The following EDIL3 variants were observed in gnomAD, a reference collection of about 807,000 sequenced individuals.
EDIL3 encodes EGF-like repeat and discoidin I-like domain-containing protein 3.
A neutral mutation model predicts 67.4 loss-of-function variants in EDIL3; 37 were observed. That is an observed-to-expected ratio of 0.55 (90% confidence interval 0.42 to 0.72). The LOEUF is 0.72. Ranked by LOEUF, EDIL3 falls within the 30% of genes least tolerant of loss-of-function variation. EDIL3 has a pLI of 0.00. For missense variants in EDIL3, 527 were observed against 586.3 expected (o/e 0.90, Z 1.04); for synonymous variants, 195 against 196.3 (o/e 0.99, Z 0.05).
chr5:84,064,591 GA>G (rs1746600411), intron 8 of EDIL3, 108 bp downstream of exon 8: 6 of 1,393,990 alleles, frequency 4.3e-6, no homozygotes, highest in Non-Finnish European at 5.7e-6. Flanking sequence ...TTTTTCCCCA[GA>G]AAAAAATTTC....
chr5:84,060,446 G>C lies in EDIL3; in HGVS notation c.991C>G (p.Gln331Glu), dbSNP rs142557706. 2.5e-6 allele frequency: 4 copies of C among 1,613,566 alleles called. No individual in the cohort carries two copies. Among genetic ancestry groups the C allele is most frequent in the East Asian group, 2.2e-5 (1 of 44,872 alleles). ...CTGGAGGCAGTGATCTGATAGTCTTGTATATGTCCTGATTTCATACCCAGA... is the reference window on the plus strand; with the variant it reads ...CTGGAGGCAGTGATCTGATAGTCTTCTATATGTCCTGATTTCATACCCAGA... ...EPLGMKSGHI[Q>E]DYQITASSIF... Residue 331 changes from glutamine to glutamate, a missense_variant, in exon 9 of 11, where the codon CAA (glutamine) becomes GAA (glutamate). Physicochemically the swap from Gln to Glu is conservative, Grantham distance 29. Transcript: ENST00000296591.
chr5:84,153,476 A>G (rs1235026734), intron 4 of EDIL3, among the ~76,000 whole-genome samples: 9 of 149,658 alleles, frequency 6.0e-5, no homozygotes, highest in Non-Finnish European at 1.0e-4. Flanking sequence ...TGTATTTTTA[A>G]TAGAGACGGG....
intron 5 of EDIL3, among the ~76,000 whole-genome samples, chr5:84,134,078 A>G (rs1283036153): frequency 1.3e-5 from 2 of 152,046 alleles, no homozygotes; most frequent in Non-Finnish European, 2.9e-5. Context: ...TTACCATGTA[A>G]TTTTGCAACA....
intron 1 of EDIL3, among the ~76,000 whole-genome samples, chr5:84,284,173 C>T (rs1580054404): frequency 6.6e-6 from 1 of 152,076 alleles, no homozygotes; most frequent in East Asian, 1.9e-4. Flanking sequence ...CATTCATTAG[C>T]CATTTGGGTT....
chr5:84,186,633 GA>G (rs1743458740), intron 3 of EDIL3, among the ~76,000 whole-genome samples: 1 of 151,936 alleles, frequency 6.6e-6, no homozygotes, highest in African/African-American at 2.4e-5. Context: ...ATTAAAACAT[GA>G]AAATTAAGAA....
rs17284992 is a variant in EDIL3 at position 84,374,531 on chromosome 5, T to C, written c.67+9777A>G. 5.4e-3 allele frequency among the ~76,000 whole-genome samples: 826 copies of C among 152,290 alleles called. 8 individuals are homozygous for C. Among genetic ancestry groups the C allele is most frequent in the African/African-American group, 0.018 (742 of 41,570 alleles). ...ATAAATATAATAATGCATGTGGAGGTAAATTTCAACAGTTAAACAATTTAC... is the reference window on the plus strand; with the variant it reads ...ATAAATATAATAATGCATGTGGAGGCAAATTTCAACAGTTAAACAATTTAC... On this transcript the variant is annotated intron_variant, in intron 1 of 10. Coordinates refer to ENST00000296591, the MANE Select transcript of EDIL3 (RefSeq NM_005711.5).
intron 1 of EDIL3, among the ~76,000 whole-genome samples, chr5:84,315,125 T>C (rs1314359474): frequency 6.6e-6 from 1 of 152,172 alleles, no homozygotes; most frequent in Non-Finnish European, 1.5e-5. Context: ...AGGCATGTAA[T>C]ACCCATGATC....
At chr5:84,290,248 A>C (rs1745885757) in intron 1 of EDIL3, among the ~76,000 whole-genome samples, 1 of 152,160 alleles carries the variant, frequency 6.6e-6, no homozygotes, top group Non-Finnish European at 1.5e-5. Flanking sequence ...ACAATGTGGA[A>C]GAGCCATGCT....
Position 84,123,710 on chromosome 5 carries a change from T to TA in EDIL3, c.469+13530dup, listed in dbSNP as rs376343650. Among the ~76,000 whole-genome samples, 372 of 151,934 alleles carry TA rather than the reference T, an allele frequency of 2.4e-3. 3 individuals carry two copies. The highest frequency in any genetic ancestry group is 8.4e-3 in the African/African-American group (349 of 41,518). ...GTACTTTATTGTTAAGGTAGAATAC[T>TA]AAAAAAACATCATTTCAATGAGTAA... is the stretch of plus-strand genomic sequence containing the variant. On this transcript the variant is annotated intron_variant, in intron 5 of 10. Transcript: ENST00000296591.
At chr5:84,107,839 A>G (rs967735459) in intron 5 of EDIL3, among the ~76,000 whole-genome samples, 1 of 150,696 alleles carries the variant, frequency 6.6e-6, no homozygotes, top group Non-Finnish European at 1.5e-5. Context: ...TCAGTTTTGA[A>G]AATTCAGAAT....
chr5:83,977,470 C>T (rs1306252119), intron 9 of EDIL3, among the ~76,000 whole-genome samples: 2 of 151,656 alleles, frequency 1.3e-5, no homozygotes, highest in African/African-American at 4.8e-5. Flanking sequence ...AAAGAATTTG[C>T]GAAGCTTCAC....
At position 84,358,592 on chromosome 5, in the gene EDIL3, C is replaced by CTTTTTTTTTTT. The variant is rs756013675; in HGVS notation, c.67+25705_67+25715dup. Among the ~76,000 whole-genome samples the CTTTTTTTTTTT allele has an allele frequency of 1.2e-4, 11 of 94,560 alleles. 2 individuals are homozygous for CTTTTTTTTTTT. Among genetic ancestry groups the CTTTTTTTTTTT allele is most frequent in the African/African-American group, 4.0e-4 (10 of 25,282 alleles). 62.0% of individuals were successfully genotyped at this position (94,560 alleles called of 152,430 possible). On this transcript the variant is annotated intron_variant, in intron 1 of 10. Coordinates refer to ENST00000296591, the MANE Select transcript of EDIL3 (RefSeq NM_005711.5). Reference sequence around the variant, plus strand: ...GCATAAGACAGTATTCATTTTTATCCTTTTTTTTTTTTTTTTTTTTTTTTT... The same window carrying CTTTTTTTTTTT: ...GCATAAGACAGTATTCATTTTTATCCTTTTTTTTTTTTTTTTTTTTTTTTTTTTTTTTTTTT...
chr5:84,327,538 C>T (rs1200621663), intron 1 of EDIL3, among the ~76,000 whole-genome samples: 6 of 151,716 alleles, frequency 4.0e-5, no homozygotes, highest in Non-Finnish European at 8.8e-5. Context: ...CATTTTAAAC[C>T]TTTTTATAAT....
chr5:84,294,171 C>T (rs1040842072), intron 1 of EDIL3, among the ~76,000 whole-genome samples: 1 of 150,334 alleles, frequency 6.7e-6, no homozygotes. Context: ...ATCACGAGGT[C>T]AGGAGATCGA....
At chr5:83,986,255 TA>T (rs1745055912) in intron 9 of EDIL3, among the ~76,000 whole-genome samples, 1 of 152,146 alleles carries the variant, frequency 6.6e-6, no homozygotes, top group East Asian at 1.9e-4. Flanking sequence ...AACTCTTGCA[TA>T]TTGATAAAAT....
chr5:84,089,127 A>G (rs548081319), intron 6 of EDIL3, among the ~76,000 whole-genome samples: 2 of 152,300 alleles, frequency 1.3e-5, no homozygotes, highest in Admixed American at 6.5e-5. Context: ...TATCTCTTTC[A>G]ACTCTAAGTG....
At chr5:84,021,667 A>G (rs1399243458) in intron 9 of EDIL3, among the ~76,000 whole-genome samples, 1 of 151,988 alleles carries the variant, frequency 6.6e-6, no homozygotes, top group Non-Finnish European at 1.5e-5. Flanking sequence ...AACGTTGTAT[A>G]TTTGGCAGTT....
intron 3 of EDIL3, among the ~76,000 whole-genome samples, chr5:84,198,954 G>A (rs1028050836): frequency 1.8e-4 from 27 of 152,056 alleles, no homozygotes; most frequent in Admixed American, 1.2e-3. Context: ...TTGCTTGATA[G>A]GAGATTAAGA....
intron 1 of EDIL3, among the ~76,000 whole-genome samples, chr5:84,298,101 A>G (rs1482509362): frequency 6.6e-6 from 1 of 152,062 alleles, no homozygotes; most frequent in African/African-American, 2.4e-5. Context: ...TTTTTCCAAC[A>G]CCATTTGAAC....
Sources: allele counts gnomAD v4.1 joint callset (sites outside exome capture counted in the v4.1 genomes callset), GRCh38; gene constraint gnomAD v4.1.1; transcripts MANE v1.5; gene names NCBI Gene and HGNC (gene_info 2026-07-23, HGNC 2026-07-21).